TMEM178B: variants seen among roughly 807,000 people sequenced by gnomAD.
The protein encoded by TMEM178B is transmembrane protein 178B.
Under a neutral mutation model 31.0 loss-of-function variants are expected in TMEM178B, and 5 were observed. That is an observed-to-expected ratio of 0.16 (90% confidence interval 0.08 to 0.34). TMEM178B has a LOEUF of 0.34. Ranked by LOEUF, TMEM178B falls within the 10% of genes least tolerant of loss-of-function variation. The probability of loss-of-function intolerance (pLI) is 1.00; values close to 1 mark genes in which losing one functional copy is unlikely to be tolerated. For synonymous variants in TMEM178B, 164 were observed against 164.0 expected (o/e 1.00, Z 0.00); for missense variants, 275 against 400.3 (o/e 0.69, Z 2.67).
the TMEM178B span, among the ~76,000 whole-genome samples, chr7:141,503,118 A>G: frequency 9.2e-5 from 14 of 152,188 alleles, no homozygotes; most frequent in Non-Finnish European, 2.1e-4. Context: ...AAGGAACATG[A>G]ACTGAATTTC....
intron 2 of TMEM178B, among the ~76,000 whole-genome samples, chr7:141,421,521 G>C (rs1801209379): frequency 6.6e-6 from 1 of 152,198 alleles, no homozygotes; most frequent in Admixed American, 6.5e-5. Flanking sequence ...GTGAATAAAA[G>C]CGTGGGCCTT....
At chr7:141,107,776 C>G (rs981210523) in intron 1 of TMEM178B, among the ~76,000 whole-genome samples, 2 of 152,122 alleles carry the variant, frequency 1.3e-5, no homozygotes, top group Non-Finnish European at 2.9e-5. Context: ...TGAGAGTTGT[C>G]AGCGTTGATG....
chr7:141,291,302 G>A (rs1007619827), intron 2 of TMEM178B, among the ~76,000 whole-genome samples: 2 of 152,026 alleles, frequency 1.3e-5, no homozygotes, highest in African/African-American at 4.8e-5. Context: ...TGATCTCGAG[G>A]CCTGACATCA....
rs536777296 is a variant in TMEM178B at position 141,128,917 on chromosome 7, A to G, written c.382+54225A>G. 2.0e-5 allele frequency among the ~76,000 whole-genome samples: 3 copies of G among 152,338 alleles called. No homozygotes were observed. The East Asian group carries it at 5.8e-4, about 29-fold the overall frequency. On this transcript the variant is annotated intron_variant, in intron 1 of 3. Coordinates refer to ENST00000565468, the MANE Select transcript of TMEM178B (RefSeq NM_001195278.2). ...GAAATGTCAATTGTAATTAAACACC[A>G]TGATTGGAGATATATTACCCATATT...
chr7:141,392,164 C>T (rs1316608500), intron 2 of TMEM178B, among the ~76,000 whole-genome samples: 1 of 152,046 alleles, frequency 6.6e-6, no homozygotes, highest in African/African-American at 2.4e-5. Context: ...ACTGATCACT[C>T]AGATTCAAAA....
chr7:141,116,961 G>C (rs568555981), intron 1 of TMEM178B, among the ~76,000 whole-genome samples: 1 of 152,300 alleles, frequency 6.6e-6, no homozygotes, highest in South Asian at 2.1e-4. Context: ...ATTGTCAACA[G>C]TGCTGCAATA....
chr7:141,378,195 G>A (rs1465516169), intron 2 of TMEM178B, among the ~76,000 whole-genome samples: 1 of 152,136 alleles, frequency 6.6e-6, no homozygotes, highest in Non-Finnish European at 1.5e-5. Flanking sequence ...TTAGACCGGG[G>A]TTACAGGCTT....
intron 1 of TMEM178B, among the ~76,000 whole-genome samples, chr7:141,134,777 C>T (rs1490445553): frequency 6.6e-6 from 1 of 152,192 alleles, no homozygotes; most frequent in Admixed American, 6.5e-5. Flanking sequence ...TTACAAGAAA[C>T]TCACTTCACC....
chr7:141,395,142 T>C (rs1800614045), intron 2 of TMEM178B, among the ~76,000 whole-genome samples: 1 of 152,194 alleles, frequency 6.6e-6, no homozygotes, highest in Non-Finnish European at 1.5e-5. Context: ...TCATCCTGAT[T>C]CTAGTCCCTT....
At chr7:141,463,531 G>T (rs912220148) in intron 3 of TMEM178B, among the ~76,000 whole-genome samples, 1 of 152,242 alleles carries the variant, frequency 6.6e-6, no homozygotes, top group Non-Finnish European at 1.5e-5. Context: ...AGAGAGGGTT[G>T]GGAGTCTCTT....
At chr7:141,464,975 T>C (rs1802125264) in intron 3 of TMEM178B, among the ~76,000 whole-genome samples, 1 of 152,366 alleles carries the variant, frequency 6.6e-6, no homozygotes, top group East Asian at 1.9e-4. Context: ...TATTGGAGTC[T>C]GAATGGGATT....
chr7:141,495,325 C>T, the TMEM178B span, among the ~76,000 whole-genome samples: 1 of 152,198 alleles, frequency 6.6e-6, no homozygotes, highest in South Asian at 2.1e-4. Flanking sequence ...GAAAGCACAA[C>T]CGTGCTCTCA....
intron 1 of TMEM178B, among the ~76,000 whole-genome samples, chr7:141,092,365 C>T (rs1281886527): frequency 6.6e-6 from 1 of 152,104 alleles, no homozygotes; most frequent in Non-Finnish European, 1.5e-5. Flanking sequence ...GCATGAACCT[C>T]CTTGGCTGAG....
At chr7:141,297,435 C>T (rs979893594) in intron 2 of TMEM178B, among the ~76,000 whole-genome samples, 3 of 152,226 alleles carry the variant, frequency 2.0e-5, no homozygotes, top group Admixed American at 2.0e-4. Context: ...TATACATGTG[C>T]AATGTTGGTG....
intron 2 of TMEM178B, among the ~76,000 whole-genome samples, chr7:141,340,563 A>G (rs539872432): frequency 1.2e-4 from 19 of 152,328 alleles, no homozygotes; most frequent in African/African-American, 4.3e-4. Context: ...ATATCAAGAG[A>G]TATTGTGTGC....
chr7:141,327,778 C>T (rs1799219488), intron 2 of TMEM178B, among the ~76,000 whole-genome samples: 1 of 152,138 alleles, frequency 6.6e-6, no homozygotes, highest in Non-Finnish European at 1.5e-5. Context: ...TTAGCCACTG[C>T]ACCAAGCCAC....
intron 1 of TMEM178B, among the ~76,000 whole-genome samples, chr7:141,100,341 T>A (rs544412182): frequency 3.7e-4 from 56 of 152,308 alleles, no homozygotes; most frequent in Admixed American, 2.8e-3. Flanking sequence ...GATTGAGTGG[T>A]CGTTTTCTTC....
intron 2 of TMEM178B, among the ~76,000 whole-genome samples, chr7:141,229,185 A>G (rs1338191271): frequency 6.6e-6 from 1 of 150,760 alleles, no homozygotes; most frequent in Non-Finnish European, 1.5e-5. Flanking sequence ...GGTAGGATTC[A>G]ATTGGAGGCT....
chr7:141,193,935 G>A (rs1238380398), intron 1 of TMEM178B, among the ~76,000 whole-genome samples: 9 of 152,092 alleles, frequency 5.9e-5, no homozygotes, highest in Admixed American at 2.6e-4. Flanking sequence ...CTTCTTACTT[G>A]GCAGCAACAA....
Sources: gnomAD v4.1 joint callset for allele counts (sites outside exome capture counted in the v4.1 genomes callset) on GRCh38, gnomAD v4.1.1 for gene constraint, MANE v1.5 for transcripts, NCBI Gene and HGNC (gene_info 2026-07-23, HGNC 2026-07-21) for gene names.